The following ZC3H14 variants were observed in gnomAD, a reference collection of about 807,000 sequenced individuals.
The protein encoded by ZC3H14 is zinc finger CCCH-type containing 14.
Under a neutral mutation model 92.4 loss-of-function variants are expected in ZC3H14, and 31 were observed. That is an observed-to-expected ratio of 0.34 (90% CI 0.25 to 0.45). The LOEUF is 0.45. ZC3H14 is among the 20% of genes least tolerant of loss of function. The pLI is 1.00. For synonymous variants in ZC3H14, 321 were observed against 300.9 expected (o/e 1.07, Z -0.69); for missense variants, 781 against 897.3 (o/e 0.87, Z 1.66).
chr14:88,584,301 A>G (rs189858691), intron 9 of ZC3H14, among the ~76,000 whole-genome samples: 3 of 152,280 alleles, frequency 2.0e-5, no homozygotes, highest in Admixed American at 1.3e-4. Context: ...AGATGTGGCA[A>G]TTTGAAAAAA....
At position 88,596,757 on chromosome 14, in the gene ZC3H14, T is replaced by C; in HGVS notation, c.1303T>C (p.Ser435Pro). 1.2e-6 allele frequency: 2 copies of C among 1,614,038 alleles called. No homozygotes were observed. The highest frequency in any genetic ancestry group is 1.7e-6 in the Non-Finnish European group (2 of 1,179,954). The change falls in exon 10 of 17, where the codon TCC becomes CCC. Residue 435 changes from serine to proline, a missense_variant. Around this residue, in one of 3 missense-constraint regions of ZC3H14, gnomAD observed 454 missense variants for 438.5 expected, o/e 1.04. Transcript: ENST00000251038. ...NQGTQQRQLLSRLQIDPVMAE... is the reference protein window; with the variant it reads ...NQGTQQRQLLPRLQIDPVMAE... ...AGGAACTCAACAGAGGCAATTATTA[T>C]CCCGACTGCAAATCGACCCAGTAAT...
At chr14:88,578,305 G>C (rs2081423092) in intron 9 of ZC3H14, among the ~76,000 whole-genome samples, 165 bp downstream of exon 9, 1 of 152,052 alleles carries the variant, frequency 6.6e-6, no homozygotes, top group Non-Finnish European at 1.5e-5. Flanking sequence ...CAACACTTCA[G>C]AAAAAAATTT....
chr14:88,622,522 T>A lies in ZC3H14; in HGVS notation c.*10771T>A, dbSNP rs962419783. 1.3e-5 allele frequency: 14 copies of A among 1,109,944 alleles called. No individual in the cohort carries two copies. Among genetic ancestry groups the A allele is most frequent in the Non-Finnish European group, 1.8e-5 (14 of 791,946 alleles). 68.8% of individuals were successfully genotyped at this position (1,109,944 alleles called of 1,614,324 possible). ...TTATGCATTATTAAGTATTGTTCAT[T>A]AGGCTGCAAAGGGTGAGGGAATCAC... is the stretch of plus-strand genomic sequence containing the variant. On this transcript the variant is annotated 3_prime_UTR_variant, in exon 17 of 17. Coordinates refer to ENST00000251038, the MANE Select transcript of ZC3H14 (RefSeq NM_024824.5).
In ZC3H14 at chr14:88,626,362, C is replaced by T. The variant is rs1208155372; in HGVS notation, c.*14611C>T. The T allele has an allele frequency of 1.3e-5, 2 of 157,998 alleles. No homozygotes were observed. Among genetic ancestry groups the T allele is most frequent in the Non-Finnish European group, 2.8e-5 (2 of 71,246 alleles). 9.8% of individuals were successfully genotyped at this position (157,998 alleles called of 1,614,324 possible). A position where few individuals can be genotyped will look rare whatever the true frequency, so the allele number is the denominator to read the frequency against. On this transcript the variant is annotated 3_prime_UTR_variant, in exon 17 of 17. Coordinates refer to ENST00000251038, the MANE Select transcript of ZC3H14 (RefSeq NM_024824.5). ...GAATCCTTATTATGGTGGCTCATGC[C>T]TGTAAACCCAGCACTTTGGGAGGTC...
Position 88,572,937 on chromosome 14 carries a change from A to C in ZC3H14, c.791A>C (p.Glu264Ala). ...VYETGRLCEP[E>A]VLNSLEETYS... ...GAAACAGGACGTTTGTGTGAACCAGAGGTGCTTAACAGCTTAGAAGAAACG... is the reference window on the plus strand; with the variant it reads ...GAAACAGGACGTTTGTGTGAACCAGCGGTGCTTAACAGCTTAGAAGAAACG... The change falls in exon 6 of 17, where the codon GAG becomes GCG. Residue 264 changes from glutamate to alanine, a missense_variant. Transcript: ENST00000251038. The C allele has an allele frequency of 6.2e-7, 1 of 1,614,218 alleles. No individual in the cohort carries two copies. The highest frequency in any genetic ancestry group is 8.5e-7 in the Non-Finnish European group (1 of 1,180,050).
At chr14:88,594,536 T>C in intron 9 of ZC3H14, 1 of 1,432,086 alleles carries the variant, frequency 7.0e-7, no homozygotes, top group East Asian at 2.6e-5. Flanking sequence ...ATTCTGACTC[T>C]AGAAATGTAC....
chr14:88,582,227 T>G (rs1408927336), intron 9 of ZC3H14, among the ~76,000 whole-genome samples: 1 of 152,230 alleles, frequency 6.6e-6, no homozygotes, highest in Admixed American at 6.5e-5. Flanking sequence ...CCAGTTGTTT[T>G]GTGCCTCTTG....
intron 9 of ZC3H14, among the ~76,000 whole-genome samples, chr14:88,583,896 G>A (rs1431754558): frequency 6.6e-6 from 1 of 151,960 alleles, no homozygotes; most frequent in African/African-American, 2.4e-5. Context: ...CTTGAGAAAG[G>A]GTGTTGAAAT....
chr14:88,609,611 T>G, intron 14 of ZC3H14, 101 bp from the exon 15 acceptor site: 2 of 1,445,654 alleles, frequency 1.4e-6, no homozygotes, highest in South Asian at 2.3e-5. Flanking sequence ...ACCATTCTAA[T>G]TTAAAAATGG....
rs1364969176 is a variant in ZC3H14, at chr14:88,618,235, A to G, written c.*6484A>G. 6.2e-7 allele frequency: 1 copy of G among 1,613,538 alleles called. No individual in the cohort carries two copies. The highest frequency in any genetic ancestry group is 2.2e-5 in the East Asian group (1 of 44,868). On this transcript the variant is annotated 3_prime_UTR_variant, in exon 17 of 17. Coordinates refer to ENST00000251038, the MANE Select transcript of ZC3H14 (RefSeq NM_024824.5). ...GAATATATAAGTATTTACCTAGTCCATGTAGCCCAAGTAATTCTGTCAATA... is the reference window on the plus strand; with the variant it reads ...GAATATATAAGTATTTACCTAGTCCGTGTAGCCCAAGTAATTCTGTCAATA...
chr14:88,587,670 G>C (rs998785639), intron 9 of ZC3H14, among the ~76,000 whole-genome samples: 10 of 152,206 alleles, frequency 6.6e-5, no homozygotes, highest in African/African-American at 1.9e-4. Context: ...GTCTGGGCAT[G>C]GTTGGTGGCT....
At position 88,626,511 on chromosome 14, in the gene ZC3H14, C is replaced by T. The variant is rs2089965492; in HGVS notation, c.*14760C>T. ...GGTGGTTCCTGCCCTGTAGTCCCAG[C>T]TACTAAGGAGGCTGAGGATCACTTG... On this transcript the variant is annotated 3_prime_UTR_variant, in exon 17 of 17. Transcript: ENST00000251038. 3.9e-6 allele frequency: 1 copy of T among 256,260 alleles called. No homozygotes were observed. The highest frequency in any genetic ancestry group is 8.7e-5 in the East Asian group (1 of 11,538). 15.9% of individuals were successfully genotyped at this position (256,260 alleles called of 1,614,324 possible). A position where few individuals can be genotyped will look rare whatever the true frequency, so the allele number is the denominator to read the frequency against.
Position 88,613,775 on chromosome 14 carries a change from C to T in ZC3H14, c.*2024C>T, listed in dbSNP as rs1046314201. 6.6e-6 allele frequency: 1 copy of T among 152,024 alleles called. No individual in the cohort carries two copies. The highest frequency in any genetic ancestry group is 1.5e-5 in the Non-Finnish European group (1 of 68,012). The allele number at this position is 152,024 out of a possible 1,614,324, so 9.4% of individuals were successfully genotyped here. A position where few individuals can be genotyped will look rare whatever the true frequency, so the allele number is the denominator to read the frequency against. Reference sequence around the variant, plus strand: ...AATGGAACAAAAGGTGCCAGAAGTCCCAGGTTACACAATCAGGAGCTTAGA... The same window carrying T: ...AATGGAACAAAAGGTGCCAGAAGTCTCAGGTTACACAATCAGGAGCTTAGA... On this transcript the variant is annotated 3_prime_UTR_variant, in exon 17 of 17. Coordinates refer to ENST00000251038, the MANE Select transcript of ZC3H14 (RefSeq NM_024824.5).
Position 88,609,275 on chromosome 14 carries a change from C to T in ZC3H14, c.1877C>T (p.Pro626Leu). ...TTTTTTTTGTTTTGTAGAGCCTTCC[C>T]CAATTGTAAATTTGCTGAAAAATGT... is the stretch of plus-strand genomic sequence containing the variant. ...HHPISPCKAF[P>L]NCKFAEKCLF... The change falls in exon 14 of 17, where the codon CCC becomes CTC. Residue 626 changes from proline to leucine, a missense_variant. Coordinates refer to ENST00000251038, the MANE Select transcript of ZC3H14 (RefSeq NM_024824.5). 6.2e-7 allele frequency: 1 copy of T among 1,613,650 alleles called. No homozygotes were observed. The highest frequency in any genetic ancestry group is 1.3e-5 in the African/African-American group (1 of 74,920).
At chr14:88,600,211 C>T (rs2084411945) in intron 10 of ZC3H14, among the ~76,000 whole-genome samples, 1 of 152,214 alleles carries the variant, frequency 6.6e-6, no homozygotes, top group Non-Finnish European at 1.5e-5. Context: ...TCTGTACTGC[C>T]CTTGCTGGGG....
rs74791302 is a variant in ZC3H14 at position 88,610,207 on chromosome 14, T to C, written c.2097+404T>C. On this transcript the variant is annotated intron_variant, in intron 15 of 16. Transcript: ENST00000251038. ...GTTGATGAATCTCCAGATGTTTAGT[T>C]GGTCAAAATGAATTATCTCCTTCTT... 2.0e-4 allele frequency among the ~76,000 whole-genome samples: 30 copies of C among 152,262 alleles called. 1 individual carries two copies. The East Asian group carries it at 4.8e-3, about 25-fold the overall frequency.
intron 9 of ZC3H14, among the ~76,000 whole-genome samples, chr14:88,596,456 A>G (rs1461323369): frequency 6.6e-6 from 1 of 152,156 alleles, no homozygotes; most frequent in Non-Finnish European, 1.5e-5. Flanking sequence ...TGCCACCTTT[A>G]CTTTCCCCGC....
chr14:88,618,592 A>C lies in ZC3H14; in HGVS notation c.*6841A>C. ...TCAGGAACTTTAAATGCATTCACTA[A>C]CACGAAATGTAAAAGCAGAAGAACT... On this transcript the variant is annotated 3_prime_UTR_variant, in exon 17 of 17. Transcript: ENST00000251038. 6.5e-7 allele frequency: 1 copy of C among 1,549,170 alleles called. No homozygotes were observed. Among genetic ancestry groups the C allele is most frequent in the Non-Finnish European group, 8.7e-7 (1 of 1,147,098 alleles).
intron 9 of ZC3H14, chr14:88,594,489 G>T (rs1287763682): frequency 2.2e-6 from 3 of 1,350,404 alleles, no homozygotes; most frequent in Non-Finnish European, 2.9e-6. Context: ...AAGAGCAATT[G>T]GTCTGGTACG....
Sources: gnomAD v4.1 joint callset for allele counts (sites outside exome capture counted in the v4.1 genomes callset) on GRCh38, gnomAD v4.1.1 for gene constraint, gnomAD v4.1.1 regional missense constraint, MANE v1.5 for transcripts, NCBI Gene and HGNC (gene_info 2026-07-23, HGNC 2026-07-21) for gene names.